Variants in MERTK observed in about 807,000 individuals in gnomAD.
MERTK encodes the protein tyrosine-protein kinase Mer.
Under a neutral mutation model 99.3 loss-of-function variants are expected in MERTK, and 69 were observed. The ratio of observed to expected loss-of-function variants is 0.70; its 90% CI spans 0.57 to 0.85. The LOEUF (loss-of-function observed/expected upper bound fraction) is 0.85. Among genes scored for constraint, MERTK ranks in the 40% least tolerant of loss-of-function variants. The probability of loss-of-function intolerance (pLI) is 0.00; values close to 1 mark genes in which losing one functional copy is unlikely to be tolerated. For synonymous variants in MERTK, 426 were observed against 467.6 expected, an observed-to-expected ratio of 0.91 and a Z score of 1.15; for missense variants, 1,125 against 1,249.4, an observed-to-expected ratio of 0.90 and a Z score of 1.50.
intron 1 of MERTK, among the ~76,000 whole-genome samples, chr2:111,910,410 C>T (rs757556924): frequency 2.6e-5 from 4 of 151,916 alleles, no homozygotes; most frequent in Non-Finnish European, 4.4e-5. Flanking sequence ...GCTGGGATTA[C>T]AGGCGCCTGC....
intron 7 of MERTK, 30 bp from the exon 8 acceptor site, chr2:111,982,812 T>G: frequency 6.2e-7 from 1 of 1,612,572 alleles, no homozygotes; most frequent in Non-Finnish European, 8.5e-7. Flanking sequence ...TTTGTGGTTC[T>G]TCATTCTTCT....
chr2:112,009,502 A>C (rs569545334), intron 14 of MERTK, among the ~76,000 whole-genome samples: 49 of 152,328 alleles, frequency 3.2e-4, no homozygotes, highest in Admixed American at 7.8e-4. Context: ...CACGTGATTA[A>C]ATATCTATCA....
chr2:112,020,535 G>A, intron 16 of MERTK: 1 of 467,808 alleles, frequency 2.1e-6, no homozygotes, highest in South Asian at 1.6e-5. Flanking sequence ...TTCTTGTGTA[G>A]GAGCTGTTTT....
At chr2:111,910,428 C>G (rs2312226) in intron 1 of MERTK, among the ~76,000 whole-genome samples, 68,521 of 151,250 alleles carry the variant, frequency 0.45, 15,678 homozygotes, top group East Asian at 0.73. Context: ...TGCCACCACG[C>G]CTGGCTAATT....
At chr2:111,999,512 G>T (rs986475080) in intron 10 of MERTK, among the ~76,000 whole-genome samples, 1 of 151,964 alleles carries the variant, frequency 6.6e-6, no homozygotes, top group African/African-American at 2.4e-5. Context: ...TGTTTCCCTC[G>T]CTGGTCTTGA....
chr2:111,916,505 T>C (rs147696438), intron 1 of MERTK, among the ~76,000 whole-genome samples: 2,793 of 152,282 alleles, frequency 0.018, 42 homozygotes, highest in Non-Finnish European at 0.028. Context: ...TCCATTGAGT[T>C]TTTAAATTTT....
chr2:112,007,311 C>T (rs867087025), intron 13 of MERTK, among the ~76,000 whole-genome samples: 3 of 152,280 alleles, frequency 2.0e-5, no homozygotes, highest in South Asian at 2.1e-4. Flanking sequence ...CCCGCCACCA[C>T]GCCCGCCTAA....
chr2:111,954,176 C>G (rs1221962751), intron 4 of MERTK, among the ~76,000 whole-genome samples: 1 of 152,216 alleles, frequency 6.6e-6, no homozygotes, highest in Non-Finnish European at 1.5e-5. Flanking sequence ...GGGCTTCAGC[C>G]TAACTTTCCC....
At chr2:111,955,957 G>A (rs530571588) in intron 4 of MERTK, among the ~76,000 whole-genome samples, 12 of 143,202 alleles carry the variant, frequency 8.4e-5, no homozygotes, top group East Asian at 4.5e-4. Flanking sequence ...ATCACACACC[G>A]GGGCCTGTCA....
intron 1 of MERTK, among the ~76,000 whole-genome samples, chr2:111,900,039 C>T (rs950782284): frequency 6.6e-6 from 1 of 151,072 alleles, no homozygotes; most frequent in Non-Finnish European, 1.5e-5. Context: ...TATTTTCTCT[C>T]AGCTAAAAGG....
chr2:112,008,497 G>A lies in MERTK; in HGVS notation c.1960+22G>A, dbSNP rs756413393. ...CTAGGTACTTCCGAGAAATGCAGGA[G>A]TGGGTGGCCAAGAGGGCTCTGCTGA... On this transcript the variant is annotated intron_variant, in intron 14 of 18. Coordinates refer to ENST00000295408, the MANE Select transcript of MERTK (RefSeq NM_006343.3). 43 of 1,589,432 alleles carry A rather than the reference G, an allele frequency of 2.7e-5. No individual in the cohort carries two copies. In the Middle Eastern group the frequency reaches 8.3e-4, roughly 31 times the overall value.
chr2:111,960,909 A>G (rs924707042), intron 4 of MERTK, among the ~76,000 whole-genome samples: 16 of 151,826 alleles, frequency 1.1e-4, no homozygotes, highest in African/African-American at 3.4e-4. Context: ...ATATTTTTCA[A>G]AATTCTCTAG....
chr2:111,936,187 A>G (rs1684762435), intron 2 of MERTK, among the ~76,000 whole-genome samples: 1 of 152,146 alleles, frequency 6.6e-6, no homozygotes. Context: ...AAGTGCTGGT[A>G]TTATAGGCAT....
chr2:111,929,008 T>C, intron 1 of MERTK, 112 bp from the exon 2 acceptor site: 2 of 1,040,496 alleles, frequency 1.9e-6, no homozygotes, highest in Non-Finnish European at 3.0e-6. Context: ...TATCTTTTCC[T>C]GGGGCACAGA....
At chr2:112,001,180 T>G in intron 10 of MERTK, 21 bp from the exon 11 acceptor site, 1 of 1,583,042 alleles carries the variant, frequency 6.3e-7, no homozygotes, top group Non-Finnish European at 8.7e-7. Context: ...TAGTGAAGTA[T>G]CTTTGTTTTC....
chr2:111,988,503 TA>T (rs774239570), intron 8 of MERTK, among the ~76,000 whole-genome samples: 15 of 152,290 alleles, frequency 9.8e-5, no homozygotes, highest in Middle Eastern at 3.4e-3. Flanking sequence ...CTCAATTCTG[TA>T]AGAAGGTTTT....
At chr2:111,927,094 C>T (rs369674631) in intron 1 of MERTK, among the ~76,000 whole-genome samples, 2 of 152,342 alleles carry the variant, frequency 1.3e-5, no homozygotes, top group African/African-American at 4.8e-5. Flanking sequence ...CCTACACTCC[C>T]ACACTCACCA....
Position 112,028,723 on chromosome 2 carries a change from G to A in MERTK, c.2859G>A (p.Lys953=), listed in dbSNP as rs375528521. 2.8e-5 allele frequency: 46 copies of A among 1,614,056 alleles called. No individual in the cohort carries two copies. The African/African-American group carries it at 5.3e-4, about 19-fold the overall frequency. Residue 953 remains lysine (K), a synonymous_variant, in exon 19 of 19, where the codon AAG becomes AAA. Coordinates refer to ENST00000295408, the MANE Select transcript of MERTK (RefSeq NM_006343.3). ...CCTCTGCTGCAGTCACAGCTGAAAA[G>A]AACAGTGTTTTACCGGGGGAGAGAC... is the stretch of plus-strand genomic sequence containing the variant. The part of the protein sequence containing the change: ...SAPSAAVTAE[K]NSVLPGERLV...
At chr2:111,925,847 T>C (rs1684556739) in intron 1 of MERTK, among the ~76,000 whole-genome samples, 1 of 151,792 alleles carries the variant, frequency 6.6e-6, no homozygotes, top group Admixed American at 6.6e-5. Flanking sequence ...TTTTTTTTTT[T>C]TCTGAGACAG....
Sources: gnomAD v4.1 joint callset for allele counts (sites outside exome capture counted in the v4.1 genomes callset) on GRCh38, gnomAD v4.1.1 for gene constraint, MANE v1.5 for transcripts, NCBI Gene and HGNC (gene_info 2026-07-23, HGNC 2026-07-21) for gene names.